UBR1: variants seen among roughly 807,000 people sequenced by gnomAD.
UBR1 encodes ubiquitin protein ligase E3 component n-recognin 1.
UBR1 carries 102 observed loss-of-function variants against 242.1 expected under a neutral mutation model. The ratio of observed to expected loss-of-function variants is 0.42; its 90% CI spans 0.36 to 0.50. UBR1 has a LOEUF of 0.50. Among genes scored for constraint, UBR1 ranks in the 20% least tolerant of loss-of-function variants. The pLI is 0.01. For missense variants in UBR1, 1,772 were observed against 2,101.8 expected, an observed-to-expected ratio of 0.84 and a Z score of 3.07; for synonymous variants, 675 against 684.8, an observed-to-expected ratio of 0.99 and a Z score of 0.22.
At position 43,024,366 on chromosome 15, in the gene UBR1, A is replaced by G. The variant is rs555630029; in HGVS notation, c.2739+463T>C. ...ATCTACAACAGTAACAAGGAAAAGT[A>G]GCTGCTTTCACTTTAGCTAATTCTC... is the stretch of plus-strand genomic sequence containing the variant. On this transcript the variant is annotated intron_variant, in intron 25 of 46. Transcript: ENST00000290650. Among the ~76,000 whole-genome samples, 63 of 152,366 alleles carry G rather than the reference A, an allele frequency of 4.1e-4. 1 individual carries two copies. In the South Asian group the frequency reaches 0.011, roughly 26 times the overall value.
chr15:43,065,438 C>T (rs996307847), intron 6 of UBR1, among the ~76,000 whole-genome samples: 10 of 152,130 alleles, frequency 6.6e-5, no homozygotes, highest in African/African-American at 2.4e-4. Context: ...TGGTGGTCTG[C>T]CGCAGAGATC....
intron 40 of UBR1, among the ~76,000 whole-genome samples, chr15:42,969,696 C>T (rs1028721603): frequency 3.3e-5 from 5 of 152,138 alleles, no homozygotes; most frequent in Non-Finnish European, 5.9e-5. Context: ...CATCCCTATA[C>T]ACCAATAATA....
At chr15:43,039,669 T>C (rs2033390351) in intron 15 of UBR1, among the ~76,000 whole-genome samples, 6 of 152,194 alleles carry the variant, frequency 3.9e-5, no homozygotes, top group Admixed American at 3.9e-4. Flanking sequence ...ATACACTTTA[T>C]TTCTTTCTCC....
At chr15:43,048,360 T>A (rs1056464787) in intron 13 of UBR1, 32 bp downstream of exon 13, 4 of 1,533,672 alleles carry the variant, frequency 2.6e-6, no homozygotes, top group Non-Finnish European at 3.6e-6. Flanking sequence ...AAAATAAATT[T>A]CTTTTACTGA....
chr15:43,092,560 A>T (rs2034116519), intron 1 of UBR1, among the ~76,000 whole-genome samples: 1 of 150,936 alleles, frequency 6.6e-6, no homozygotes, highest in East Asian at 1.9e-4. Flanking sequence ...TGTGTATAGA[A>T]TTTTTTTTTT....
chr15:43,023,648 A>G (rs1358829992), intron 25 of UBR1, among the ~76,000 whole-genome samples: 1 of 151,830 alleles, frequency 6.6e-6, no homozygotes, highest in Non-Finnish European at 1.5e-5. Context: ...CTTAAAGAAA[A>G]ATGAGTTGAA....
intron 19 of UBR1, 62 bp downstream of exon 19, chr15:43,036,116 A>T (rs2033332056): frequency 7.3e-7 from 1 of 1,368,398 alleles, no homozygotes; most frequent in Non-Finnish European, 1.0e-6. Context: ...GAAATAAAAT[A>T]TGACTGAAAT....
intron 1 of UBR1, 125 bp from the exon 2 acceptor site, chr15:43,086,365 T>C (rs1197818296): frequency 8.8e-7 from 1 of 1,136,228 alleles, no homozygotes; most frequent in Non-Finnish European, 1.2e-6. Context: ...CTTTCACCAA[T>C]ACAGAAGGAA....
intron 45 of UBR1, among the ~76,000 whole-genome samples, chr15:42,951,896 G>A (rs1189347543): frequency 6.6e-6 from 1 of 152,190 alleles, no homozygotes; most frequent in Admixed American, 6.5e-5. Flanking sequence ...ATAGGCATAA[G>A]TCACTGTGCC....
In UBR1 at chr15:43,067,976, G is replaced by A. The variant is rs200504974; in HGVS notation, c.720C>T (p.His240=). Residue 240 remains histidine (H), a synonymous_variant, in exon 6 of 47, where the codon CAC becomes CAT. Coordinates refer to ENST00000290650, the MANE Select transcript of UBR1 (RefSeq NM_174916.3). ...LFNDEHHSYD[H]VIYSLQRALD... is the part of the protein sequence containing the mutation. ...GAGCTCTTTGTAGGCTGTATATGAC[G>A]TGGTCATATGAATGGTGTTCATCAT... 9.3e-6 allele frequency: 15 copies of A among 1,610,490 alleles called. 1 individual carries two copies. The highest frequency in any genetic ancestry group is 8.9e-5 in the East Asian group (4 of 44,820).
At chr15:42,958,160 A>T (rs1392643711) in intron 43 of UBR1, 70 bp from the exon 44 acceptor site, 1 of 1,054,476 alleles carries the variant, frequency 9.5e-7, no homozygotes, top group Non-Finnish European at 1.5e-6. Context: ...GCCCAAAGTG[A>T]TAGAAGAATG....
chr15:43,033,621 T>C (rs1399097252), intron 19 of UBR1, among the ~76,000 whole-genome samples: 6 of 152,144 alleles, frequency 3.9e-5, no homozygotes, highest in Non-Finnish European at 5.9e-5. Context: ...GCCACTGCAC[T>C]CCAGCCTGGG....
At chr15:43,045,851 G>T (rs988262866) in intron 14 of UBR1, among the ~76,000 whole-genome samples, 1 of 152,160 alleles carries the variant, frequency 6.6e-6, no homozygotes, top group Non-Finnish European at 1.5e-5. Flanking sequence ...ATAGGTAATC[G>T]ATAATAAATG....
At chr15:42,978,067 T>C (rs986174907) in intron 37 of UBR1, 120 bp from the exon 38 acceptor site, 6 of 756,732 alleles carry the variant, frequency 7.9e-6, no homozygotes, top group Middle Eastern at 3.4e-4. Context: ...CAGAAACTAA[T>C]ACATCACACC....
intron 12 of UBR1, among the ~76,000 whole-genome samples, chr15:43,052,341 G>T (rs1325003595): frequency 6.6e-6 from 1 of 152,204 alleles, no homozygotes; most frequent in African/African-American, 2.4e-5. Flanking sequence ...AATTGAAGTT[G>T]TTCTGAATGG....
chr15:43,037,764 T>C lies in UBR1; in HGVS notation c.2022+9A>G. Reference sequence around the variant, plus strand: ...CATTCATAAATATGAATAATAGACTTTGCTGTACCTGGCTAATAAGAGACA... The same window carrying C: ...CATTCATAAATATGAATAATAGACTCTGCTGTACCTGGCTAATAAGAGACA... On this transcript the variant is annotated intron_variant, in intron 17 of 46. Coordinates refer to ENST00000290650, the MANE Select transcript of UBR1 (RefSeq NM_174916.3). 1.2e-6 allele frequency: 2 copies of C among 1,612,306 alleles called. No homozygotes were observed. The highest frequency in any genetic ancestry group is 1.7e-6 in the Non-Finnish European group (2 of 1,178,412).
In UBR1 at chr15:43,048,487, T is replaced by C; in HGVS notation, c.1444A>G (p.Ile482Val). 3.1e-6 allele frequency: 5 copies of C among 1,610,572 alleles called. No homozygotes were observed. In the African/African-American group the frequency reaches 4.0e-5, roughly 13 times the overall value. ...CATATTGTGGGTTTGCTGATCAGGA[T>C]ATACCTATCGTTTCAAGAAAGAAAG... ...VYAVICDLKYILISKPTIWTE... is the reference protein window; with the variant it reads ...VYAVICDLKYVLISKPTIWTE... The change falls in exon 13 of 47, where the codon ATC becomes GTC. Residue 482 changes from isoleucine to valine, a missense_variant. Physicochemically the swap from Ile to Val is conservative, Grantham distance 29 (BLOSUM62 3). This residue lies in a region of UBR1 where 734 missense variants were observed against 893.3 expected (regional missense o/e 0.82). Coordinates refer to ENST00000290650, the MANE Select transcript of UBR1 (RefSeq NM_174916.3).
At chr15:43,033,489 C>T (rs1198387720) in intron 19 of UBR1, among the ~76,000 whole-genome samples, 1 of 151,842 alleles carries the variant, frequency 6.6e-6, no homozygotes, top group Admixed American at 6.6e-5. Context: ...ACTAAAAATA[C>T]AAAAATTAGC....
intron 1 of UBR1, among the ~76,000 whole-genome samples, chr15:43,097,232 CT>C (rs149615048): frequency 9.3e-5 from 14 of 149,778 alleles, no homozygotes; most frequent in East Asian, 3.9e-4. Flanking sequence ...TGAAAAGAAT[CT>C]TTTTTTTTTC....
Sources: allele counts gnomAD v4.1 joint callset (sites outside exome capture counted in the v4.1 genomes callset), GRCh38; gene constraint gnomAD v4.1.1; regional missense constraint gnomAD v4.1.1; transcripts MANE v1.5; gene names NCBI Gene and HGNC (gene_info 2026-07-23, HGNC 2026-07-21).